TLE1: variants seen among roughly 807,000 people sequenced by gnomAD.
TLE1 encodes the protein TLE family member 1, transcriptional corepressor, also known as transducin-like enhancer protein 1.
A neutral mutation model predicts 89.8 loss-of-function variants in TLE1; 21 were observed. That is an observed-to-expected ratio of 0.23 (90% CI 0.17 to 0.34). The LOEUF is 0.34. TLE1 is among the 10% of genes least tolerant of loss of function. The probability of loss-of-function intolerance (pLI) is 1.00; values close to 1 mark genes in which losing one functional copy is unlikely to be tolerated. For synonymous variants in TLE1, 447 were observed against 407.6 expected (o/e 1.10, Z -1.16); for missense variants, 795 against 1,031.2 (o/e 0.77, Z 3.14).
intron 12 of TLE1, among the ~76,000 whole-genome samples, chr9:81,612,726 A>C (rs1261091315): frequency 6.6e-6 from 1 of 152,204 alleles, no homozygotes; most frequent in Non-Finnish European, 1.5e-5. Context: ...AATAATTATC[A>C]GAAACTTTAC....
At chr9:81,595,886 T>C (rs1164508245) in intron 14 of TLE1, among the ~76,000 whole-genome samples, 1 of 151,786 alleles carries the variant, frequency 6.6e-6, no homozygotes, top group East Asian at 1.9e-4. Context: ...AGGATGGTGT[T>C]TAAGATGGAG....
At chr9:81,682,111 G>A (rs578172487) in intron 4 of TLE1, among the ~76,000 whole-genome samples, 5 of 152,060 alleles carry the variant, frequency 3.3e-5, no homozygotes, top group South Asian at 2.1e-4. Context: ...AAAGTTAGCC[G>A]GGCATGGTGG....
chr9:81,663,157 T>C (rs1026862524), intron 4 of TLE1, among the ~76,000 whole-genome samples: 10 of 152,134 alleles, frequency 6.6e-5, no homozygotes, highest in African/African-American at 2.4e-4. Context: ...ATTTACTGTT[T>C]AAATTTAATA....
chr9:81,612,082 G>A (rs1327960427), intron 12 of TLE1, 123 bp from the exon 13 acceptor site: 6 of 777,836 alleles, frequency 7.7e-6, no homozygotes, highest in Non-Finnish European at 9.0e-6. Context: ...AAGGCTTCTA[G>A]GGGAGGGGGA....
chr9:81,610,916 T>G (rs2132051571), intron 13 of TLE1, among the ~76,000 whole-genome samples: 1 of 152,314 alleles, frequency 6.6e-6, no homozygotes. Flanking sequence ...GTCTCTCAGC[T>G]GACCACCTTA....
rs373634131 is a variant in TLE1, at chr9:81,688,846, G to C, written c.-606C>G. ...TCGCAGGCTCCCGGGACGCAAAGGGGAGCGAGGTTGAAGACGCAGCGGAGG... is the reference window on the plus strand; with the variant it reads ...TCGCAGGCTCCCGGGACGCAAAGGGCAGCGAGGTTGAAGACGCAGCGGAGG... On this transcript the variant is annotated 5_prime_UTR_variant, in exon 1 of 20. Transcript: ENST00000376499. The C allele has an allele frequency of 1.3e-5, 2 of 152,304 alleles. No individual in the cohort carries two copies. The highest frequency in any genetic ancestry group is 2.9e-5 in the Non-Finnish European group (2 of 68,148). The allele number at this position is 152,304 out of a possible 1,614,324, so 9.4% of individuals were successfully genotyped here.
At chr9:81,663,193 C>A (rs189077986) in intron 4 of TLE1, among the ~76,000 whole-genome samples, 1 of 152,116 alleles carries the variant, frequency 6.6e-6, no homozygotes, top group Admixed American at 6.6e-5. Flanking sequence ...AGATAAGCGC[C>A]GTCAGGCTCA....
intron 8 of TLE1, among the ~76,000 whole-genome samples, chr9:81,623,256 A>T (rs1825503005): frequency 6.6e-6 from 1 of 152,020 alleles, no homozygotes; most frequent in African/African-American, 2.4e-5. Flanking sequence ...TGTGTTGCTT[A>T]TGGCTCCAGG....
At chr9:81,590,263 T>C (rs2131809765) in intron 16 of TLE1, among the ~76,000 whole-genome samples, 1 of 152,348 alleles carries the variant, frequency 6.6e-6, no homozygotes, top group African/African-American at 2.4e-5. Context: ...ACAGGGCTGA[T>C]GCCAGAAGGC....
At chr9:81,585,205 A>C (rs1828222210) in intron 18 of TLE1, among the ~76,000 whole-genome samples, 1 of 151,998 alleles carries the variant, frequency 6.6e-6, no homozygotes, top group African/African-American at 2.4e-5. Context: ...TTCTTCAATA[A>C]ATTCCCGCCC....
chr9:81,611,997 C>A, intron 12 of TLE1, 38 bp from the exon 13 acceptor site: 1 of 1,396,320 alleles, frequency 7.2e-7, no homozygotes, highest in South Asian at 1.8e-5. Flanking sequence ...TTCAACTGAC[C>A]CACTCCATCA....
intron 6 of TLE1, among the ~76,000 whole-genome samples, chr9:81,642,478 G>C (rs1451453020): frequency 1.3e-5 from 2 of 151,678 alleles, no homozygotes; most frequent in African/African-American, 4.8e-5. Flanking sequence ...GATCACCTGA[G>C]GTCAGGAGTT....
chr9:81,660,693 G>A (rs1345199095), intron 4 of TLE1, among the ~76,000 whole-genome samples: 11 of 151,478 alleles, frequency 7.3e-5, no homozygotes, highest in Admixed American at 3.9e-4. Flanking sequence ...TGGGATTACA[G>A]GCATGAGCCA....
intron 6 of TLE1, among the ~76,000 whole-genome samples, chr9:81,648,087 C>T (rs890366765): frequency 2.0e-5 from 3 of 151,980 alleles, no homozygotes; most frequent in African/African-American, 4.8e-5. Flanking sequence ...GCCTGGCCAA[C>T]ATGGTGAAAC....
intron 11 of TLE1, among the ~76,000 whole-genome samples, chr9:81,614,960 C>T (rs1824229739): frequency 6.6e-6 from 1 of 150,886 alleles, no homozygotes; most frequent in Non-Finnish European, 1.5e-5. Flanking sequence ...TTTGGGAGGC[C>T]AAGGCAGGCA....
At chr9:81,626,742 C>G (rs557086770) in intron 8 of TLE1, among the ~76,000 whole-genome samples, 5 of 152,262 alleles carry the variant, frequency 3.3e-5, no homozygotes, top group African/African-American at 1.2e-4. Context: ...GCAGGTGACA[C>G]ACAGGGCCGG....
chr9:81,606,635 G>A (rs999457257), intron 14 of TLE1, among the ~76,000 whole-genome samples: 2 of 152,034 alleles, frequency 1.3e-5, no homozygotes, highest in Non-Finnish European at 2.9e-5. Flanking sequence ...AGCAGGTGGG[G>A]GACTGGGGGA....
At chr9:81,625,911 T>TAAAAA (rs35467275) in intron 8 of TLE1, among the ~76,000 whole-genome samples, 3,144 of 87,708 alleles carry the variant, frequency 0.036, 339 homozygotes, top group African/African-American at 0.15. Context: ...CAGAAACTAC[T>TAAAAA]AAAAAAAAAA....
At chr9:81,584,584 G>C (rs779939783) in intron 18 of TLE1, 60 bp from the exon 19 acceptor site, 19 of 1,515,322 alleles carry the variant, frequency 1.3e-5, no homozygotes, top group Admixed American at 6.8e-5. Flanking sequence ...TATACAATTA[G>C]CAACTTGGAC....
Sources: allele counts gnomAD v4.1 joint callset (sites outside exome capture counted in the v4.1 genomes callset), GRCh38; gene constraint gnomAD v4.1.1; transcripts MANE v1.5; gene names NCBI Gene and HGNC (gene_info 2026-07-23, HGNC 2026-07-21).